The following SLCO3A1 variants were observed in gnomAD, a reference collection of about 807,000 sequenced individuals.
SLCO3A1 encodes solute carrier organic anion transporter family member 3A1, also known as PGE1 transporter.
In SLCO3A1, 27 loss-of-function variants were observed where a neutral mutation model predicts 63.1. The observed-to-expected ratio is 0.43, with a 90% CI of 0.32 to 0.59. SLCO3A1 has a LOEUF of 0.59. SLCO3A1 is among the 20% of genes least tolerant of loss of function. The pLI, the probability that SLCO3A1 is intolerant of heterozygous loss-of-function variation, is 0.09. For synonymous variants in SLCO3A1, 473 were observed against 409.9 expected, an observed-to-expected ratio of 1.15 and a Z score of -1.86; for missense variants, 773 against 945.8, an observed-to-expected ratio of 0.82 and a Z score of 2.40.
intron 2 of SLCO3A1, among the ~76,000 whole-genome samples, chr15:91,928,210 T>C (rs943903546): frequency 1.3e-5 from 2 of 152,192 alleles, no homozygotes; most frequent in Non-Finnish European, 2.9e-5. Context: ...CACAGGTGAG[T>C]TTGAATAGTG....
intron 2 of SLCO3A1, among the ~76,000 whole-genome samples, chr15:91,919,282 A>AGATTCCTG (rs1361161698): frequency 6.6e-6 from 1 of 152,248 alleles, no homozygotes; most frequent in Non-Finnish European, 1.5e-5. Context: ...AGCCGCTGCC[A>AGATTCCTG]GATTCCTGGA....
chr15:92,012,742 TAAA>T (rs33945478), intron 2 of SLCO3A1, among the ~76,000 whole-genome samples: 7,998 of 126,632 alleles, frequency 0.063, 791 homozygotes, highest in African/African-American at 0.22. Context: ...GTCTCTAATT[TAAA>T]AAAAAAAAAA....
chr15:91,979,172 T>G (rs1378101175), intron 2 of SLCO3A1, among the ~76,000 whole-genome samples: 1 of 152,222 alleles, frequency 6.6e-6, no homozygotes, highest in East Asian at 1.9e-4. Flanking sequence ...CCCAAAAAGC[T>G]TGGGACCAGA....
intron 2 of SLCO3A1, among the ~76,000 whole-genome samples, chr15:92,057,123 G>A (rs1304806128): frequency 6.6e-6 from 1 of 152,206 alleles, no homozygotes; most frequent in African/African-American, 2.4e-5. Flanking sequence ...CAGGAAGCCT[G>A]GCAGGCACAT....
rs568616999 is a variant in SLCO3A1 at position 91,867,097 on chromosome 15, GCACTGTGGAGTGC to G, written c.180+13014_180+13026del. Among the ~76,000 whole-genome samples, 782 of 152,332 alleles carry G rather than the reference GCACTGTGGAGTGC, an allele frequency of 5.1e-3. 5 individuals are homozygous for G. Among genetic ancestry groups the G allele is most frequent in the African/African-American group, 0.018 (742 of 41,570 alleles). ...GCCGGGCTGGGGCATGTCAGGGCTG[GCACTGTGGAGTGC>G]CACTCCAGTTAGCAGCGCGGAGGCT... is the stretch of plus-strand genomic sequence containing the variant. On this transcript the variant is annotated intron_variant, in intron 1 of 9. Transcript: ENST00000318445.
At chr15:91,978,208 T>C (rs1014633714) in intron 2 of SLCO3A1, among the ~76,000 whole-genome samples, 19 of 152,124 alleles carry the variant, frequency 1.2e-4, no homozygotes, top group African/African-American at 4.6e-4. Flanking sequence ...GGAGGTCTTT[T>C]CCCCCCTGTA....
At chr15:91,982,136 G>A (rs886700270) in intron 2 of SLCO3A1, among the ~76,000 whole-genome samples, 19 of 152,264 alleles carry the variant, frequency 1.2e-4, no homozygotes, top group African/African-American at 3.9e-4. Context: ...TGCCAATGCC[G>A]TGGCTCTTGC....
chr15:92,168,582 A>T (rs1297439359), downstream of SLCO3A1, among the ~76,000 whole-genome samples: 1 of 152,200 alleles, frequency 6.6e-6, no homozygotes, highest in South Asian at 2.1e-4. Flanking sequence ...GCAGCACTGC[A>T]TGTTTGGGGG....
At chr15:91,880,954 G>T (rs1897566252) in intron 1 of SLCO3A1, among the ~76,000 whole-genome samples, 1 of 152,164 alleles carries the variant, frequency 6.6e-6, no homozygotes, top group Admixed American at 6.5e-5. Context: ...GATGGAATTT[G>T]GTGGAGAGAG....
rs1029270504 is a variant in SLCO3A1, at chr15:92,015,669, G to A, written c.647-79212G>A. Among the ~76,000 whole-genome samples, 4 of 152,114 alleles carry A rather than the reference G, an allele frequency of 2.6e-5. No homozygotes were observed. The East Asian group carries it at 5.8e-4, about 22-fold the overall frequency. ...AGCAGGAAGATGGCCAGAACCTAGA[G>A]TTTACACATGGCAGTGAGCGTGGGG... On this transcript the variant is annotated intron_variant, in intron 2 of 9. Coordinates refer to ENST00000318445, the MANE Select transcript of SLCO3A1 (RefSeq NM_013272.4).
At position 92,033,556 on chromosome 15, in the gene SLCO3A1, G is replaced by C. The variant is rs1023983743; in HGVS notation, c.647-61325G>C. Among the ~76,000 whole-genome samples, 1 of 152,192 alleles carries C rather than the reference G, an allele frequency of 6.6e-6. No individual in the cohort carries two copies. The highest frequency in any genetic ancestry group is 6.5e-5 in the Admixed American group (1 of 15,276). On this transcript the variant is annotated intron_variant, in intron 2 of 9. Transcript: ENST00000318445. This position sits in a 1 kb window ranked among gnomAD's most constrained non-coding sequence, Gnocchi z 4.5. ...TTCCAGCTGGGACTGGCATGTGTTC[G>C]TTCAGCCCGAGCTTCCACAGCACAC... is the stretch of plus-strand genomic sequence containing the variant.
chr15:92,157,366 CT>C (rs1426501062), intron 9 of SLCO3A1: 1 of 152,142 alleles, frequency 6.6e-6, no homozygotes, highest in Non-Finnish European at 1.5e-5. Flanking sequence ...TCCCTTGTAA[CT>C]AAGGACTTAA....
intron 7 of SLCO3A1, among the ~76,000 whole-genome samples, chr15:92,142,681 A>G (rs2048149815): frequency 1.3e-5 from 2 of 152,134 alleles, no homozygotes; most frequent in Admixed American, 6.5e-5. Flanking sequence ...TGCTCGCCTC[A>G]TTAACATGAA....
At chr15:92,047,542 T>TAATATATA (rs1458162470) in intron 2 of SLCO3A1, among the ~76,000 whole-genome samples, 1 of 13,294 alleles carries the variant, frequency 7.5e-5, no homozygotes, top group Non-Finnish European at 1.2e-4. Context: ...TAAATATATA[T>TAATATATA]AATATATAAA....
chr15:91,895,765 C>T (rs1897987829), intron 1 of SLCO3A1, among the ~76,000 whole-genome samples: 1 of 152,232 alleles, frequency 6.6e-6, no homozygotes, highest in African/African-American at 2.4e-5. Flanking sequence ...TCTATCTAAT[C>T]TTTTGAGTTG....
Position 91,897,196 on chromosome 15 carries a change from T to G in SLCO3A1, c.181-18797T>G, listed in dbSNP as rs1231584484. On this transcript the variant is annotated intron_variant, in intron 1 of 9. Transcript: ENST00000318445. The surrounding 1 kb of genome is among the most constrained non-coding windows in gnomAD (Gnocchi z 4.7). ...CAGGCTGGATGCGGTGGTGCACGCCTGTAATCCCAGTACTTTGAGAGGCTG... is the reference window on the plus strand; with the variant it reads ...CAGGCTGGATGCGGTGGTGCACGCCGGTAATCCCAGTACTTTGAGAGGCTG... Among the ~76,000 whole-genome samples the G allele has an allele frequency of 6.6e-6, 1 of 152,172 alleles. No homozygotes were observed. Among genetic ancestry groups the G allele is most frequent in the Non-Finnish European group, 1.5e-5 (1 of 68,030 alleles).
intron 2 of SLCO3A1, among the ~76,000 whole-genome samples, chr15:92,010,497 A>G (rs757640730): frequency 3.9e-4 from 60 of 152,172 alleles, no homozygotes; most frequent in Non-Finnish European, 1.2e-4. Context: ...GAACCCATCA[A>G]TCAATGGCAT....
intron 5 of SLCO3A1, 73 bp from the exon 6 acceptor site, chr15:92,125,988 C>A: frequency 7.5e-7 from 1 of 1,334,354 alleles, no homozygotes; most frequent in African/African-American, 1.4e-5. Context: ...CAGCCTCAGG[C>A]CTGCTGCCCG....
intron 2 of SLCO3A1, among the ~76,000 whole-genome samples, chr15:91,945,396 T>C (rs186798072): frequency 2.0e-5 from 3 of 150,380 alleles, no homozygotes; most frequent in African/African-American, 7.3e-5. Flanking sequence ...GGGAATGTGA[T>C]GAACAAAGGA....
Sources: gnomAD v4.1 joint callset for allele counts (sites outside exome capture counted in the v4.1 genomes callset) on GRCh38, gnomAD v4.1.1 for gene constraint, Gnocchi (gnomAD v3.1) non-coding constraint, MANE v1.5 for transcripts, NCBI Gene and HGNC (gene_info 2026-07-23, HGNC 2026-07-21) for gene names.